RTN1: variants seen among roughly 807,000 people sequenced by gnomAD.
RTN1 encodes the protein reticulon 1, also known as reticulon-1.
In RTN1, 25 loss-of-function variants were observed where a neutral mutation model predicts 65.5. That is an observed-to-expected ratio of 0.38 (90% confidence interval 0.28 to 0.53). RTN1 has a LOEUF of 0.53. RTN1 is among the 20% of genes least tolerant of loss of function. The probability of loss-of-function intolerance (pLI) is 0.79; values close to 1 mark genes in which losing one functional copy is unlikely to be tolerated. For synonymous variants in RTN1, 471 were observed against 447.6 expected, an observed-to-expected ratio of 1.05 and a Z score of -0.66; for missense variants, 983 against 1,025.4, an observed-to-expected ratio of 0.96 and a Z score of 0.57.
chr14:59,717,863 G>T (rs1481431971), intron 3 of RTN1, among the ~76,000 whole-genome samples: 1 of 152,212 alleles, frequency 6.6e-6, no homozygotes. Flanking sequence ...TGAGGACGTT[G>T]AGAGATCAGC....
At chr14:59,750,283 T>TATCTATAATATCTATAATATATA (rs1885452487) in intron 1 of RTN1, among the ~76,000 whole-genome samples, 1 of 32,790 alleles carries the variant, frequency 3.0e-5, no homozygotes, top group African/African-American at 1.6e-4. Flanking sequence ...TAATATATAA[T>TATCTATAATATCTATAATATATA]ATATATAATA....
rs778936604 is a variant in RTN1 at position 59,727,390 on chromosome 14, C to G, written c.1294G>C (p.Val432Leu). The G allele has an allele frequency of 6.5e-7, 1 of 1,541,696 alleles. No homozygotes were observed. The highest frequency in any genetic ancestry group is 8.7e-7 in the Non-Finnish European group (1 of 1,143,410). Residue 432 changes from valine (V) to leucine (L), a missense_variant, in exon 3 of 9, where the codon GTG (valine) becomes CTG (leucine). Physicochemically the swap from Val to Leu is conservative, Grantham distance 32 (BLOSUM62 1). This residue lies in a region of RTN1 where 818 missense variants were observed against 801.8 expected (regional missense o/e 1.02). Coordinates refer to ENST00000267484, the MANE Select transcript of RTN1 (RefSeq NM_021136.3). The surrounding 1 kb of genome is among the most constrained non-coding windows in gnomAD (Gnocchi z 4.2). ...GGGCCGCCCACGTGGCCAAAGCTCA[C>G]ATAGCCTGAGGGCAGCGCGTCCTCC... is the stretch of plus-strand genomic sequence containing the variant. ...AAEDALPSGY[V>L]SFGHVGGPPP... is the part of the protein sequence containing the mutation.
At chr14:59,690,492 T>C (rs558823110) in intron 3 of RTN1, among the ~76,000 whole-genome samples, 4 of 152,198 alleles carry the variant, frequency 2.6e-5, no homozygotes, top group African/African-American at 9.6e-5. Context: ...ACATAAATAA[T>C]AGTAAGGGAC....
In RTN1 at chr14:59,746,451, T is replaced by C. The variant is rs1885228391; in HGVS notation, c.272A>G (p.His91Arg). Residue 91 changes from histidine (H) to arginine (R), a missense_variant, in exon 2 of 9, where the codon CAC (histidine) becomes CGC (arginine). By Grantham distance (29) the His-to-Arg change is conservative. Transcript: ENST00000267484. ...ATCTTTTGATGTTGTTGAGAAGGTG[T>C]GGTCCATGGCACTGGAAACACCTGC... is the stretch of plus-strand genomic sequence containing the variant. ...GVAGVSSAMD[H>R]TFSTTSKDGE... The C allele has an allele frequency of 6.2e-7, 1 of 1,604,380 alleles. No individual in the cohort carries two copies. The highest frequency in any genetic ancestry group is 1.3e-5 in the African/African-American group (1 of 74,852).
In RTN1 at chr14:59,849,094, T is replaced by C. The variant is rs1367954896; in HGVS notation, c.241+21296A>G. ...CTTTTCTATATGTAGTTTATGGCCT[T>C]GGTTGGAAACAATAGAATTATGCAA... On this transcript the variant is annotated intron_variant, in intron 1 of 8. Coordinates refer to ENST00000267484, the MANE Select transcript of RTN1 (RefSeq NM_021136.3). The surrounding 1 kb of genome is among the most constrained non-coding windows in gnomAD (Gnocchi z 4.5). Among the ~76,000 whole-genome samples, 1 of 152,224 alleles carries C rather than the reference T, an allele frequency of 6.6e-6. No homozygotes were observed. Among genetic ancestry groups the C allele is most frequent in the Non-Finnish European group, 1.5e-5 (1 of 68,048 alleles).
chr14:59,666,820 C>G (rs1883386070), intron 3 of RTN1, among the ~76,000 whole-genome samples: 1 of 152,010 alleles, frequency 6.6e-6, no homozygotes, highest in Non-Finnish European at 1.5e-5. Flanking sequence ...CACCTCTACA[C>G]AAATAAACTA....
intron 1 of RTN1, among the ~76,000 whole-genome samples, chr14:59,747,025 G>A (rs1247452416): frequency 6.6e-6 from 1 of 152,148 alleles, no homozygotes; most frequent in African/African-American, 2.4e-5. Context: ...CTTTTTCAAG[G>A]TCCGCAGAGA....
intron 1 of RTN1, among the ~76,000 whole-genome samples, chr14:59,815,193 C>T (rs1212981245): frequency 6.6e-6 from 1 of 152,198 alleles, no homozygotes; most frequent in Non-Finnish European, 1.5e-5. Context: ...TGATGACCAT[C>T]CTAATCACGC....
At chr14:59,701,060 T>G (rs1293149547) in intron 3 of RTN1, among the ~76,000 whole-genome samples, 1 of 152,164 alleles carries the variant, frequency 6.6e-6, no homozygotes, top group Non-Finnish European at 1.5e-5. Flanking sequence ...ACAAATCATT[T>G]GAATAAACAT....
chr14:59,812,654 T>C (rs1886750111), intron 1 of RTN1, among the ~76,000 whole-genome samples: 1 of 152,260 alleles, frequency 6.6e-6, no homozygotes, highest in South Asian at 2.1e-4. Context: ...ATTTTCTCCA[T>C]TCACCTAGTT....
chr14:59,723,439 C>T (rs191973483), intron 3 of RTN1, among the ~76,000 whole-genome samples: 3,655 of 150,788 alleles, frequency 0.024, 71 homozygotes, highest in Non-Finnish European at 0.036. Context: ...ACCCCATCTC[C>T]ACTAAAAAAA....
intron 3 of RTN1, among the ~76,000 whole-genome samples, chr14:59,661,726 T>C (rs188577397): frequency 1.3e-5 from 2 of 152,288 alleles, no homozygotes; most frequent in Admixed American, 1.3e-4. Context: ...AAACTCTCAA[T>C]AAACTAGGTA....
At chr14:59,676,727 A>G (rs1017789426) in intron 3 of RTN1, among the ~76,000 whole-genome samples, 3 of 152,306 alleles carry the variant, frequency 2.0e-5, no homozygotes, top group African/African-American at 4.8e-5. Context: ...TCCATCCCCA[A>G]TCAATCAAAT....
At chr14:59,724,534 G>C (rs1437045845) in intron 3 of RTN1, among the ~76,000 whole-genome samples, 2 of 152,182 alleles carry the variant, frequency 1.3e-5, no homozygotes, top group Non-Finnish European at 2.9e-5. Context: ...GTCAAGCTTG[G>C]CATGAGCACA....
At chr14:59,619,679 T>G (rs1403571977) in intron 3 of RTN1, among the ~76,000 whole-genome samples, 1 of 152,080 alleles carries the variant, frequency 6.6e-6, no homozygotes, top group East Asian at 1.9e-4. Flanking sequence ...AACCAACCTT[T>G]GGGATTGAAA....
At chr14:59,807,075 A>G (rs897924599) in intron 1 of RTN1, among the ~76,000 whole-genome samples, 34 of 152,382 alleles carry the variant, frequency 2.2e-4, no homozygotes, top group African/African-American at 7.9e-4. Context: ...AAAAGTGTTA[A>G]AGTTGGAGAG....
intron 1 of RTN1, among the ~76,000 whole-genome samples, chr14:59,759,037 T>G (rs1277414790): frequency 6.6e-6 from 1 of 152,204 alleles, no homozygotes; most frequent in African/African-American, 2.4e-5. Context: ...TGGGTTGCAG[T>G]ATCTGCTGAT....
intron 3 of RTN1, among the ~76,000 whole-genome samples, chr14:59,683,506 G>GCC (rs1883784515): frequency 6.6e-6 from 1 of 151,128 alleles, no homozygotes; most frequent in South Asian, 2.1e-4. Flanking sequence ...AAAACACTTT[G>GCC]TAATATACTT....
intron 1 of RTN1, among the ~76,000 whole-genome samples, chr14:59,817,630 A>AT (rs11413729): frequency 0.56 from 83,443 of 148,262 alleles, 23,468 homozygotes; most frequent in Non-Finnish European, 0.6. Flanking sequence ...CCTCCCTTTG[A>AT]TTTTTTTTTT....
Sources: gnomAD v4.1 joint callset for allele counts (sites outside exome capture counted in the v4.1 genomes callset) on GRCh38, gnomAD v4.1.1 for gene constraint, gnomAD v4.1.1 regional missense constraint, Gnocchi (gnomAD v3.1) non-coding constraint, MANE v1.5 for transcripts, NCBI Gene and HGNC (gene_info 2026-07-23, HGNC 2026-07-21) for gene names.